YTHDF1: variants seen among roughly 807,000 people sequenced by gnomAD.
YTHDF1 encodes YTH N6-methyladenosine RNA binding protein F1.
A neutral mutation model predicts 49.1 loss-of-function variants in YTHDF1; 16 were observed. The ratio of observed to expected loss-of-function variants is 0.33; its 90% CI spans 0.22 to 0.49. YTHDF1 has a LOEUF of 0.49. Among genes scored for constraint, YTHDF1 ranks in the 20% least tolerant of loss-of-function variants. YTHDF1 has a pLI of 0.99. For synonymous variants in YTHDF1, 313 were observed against 290.1 expected (o/e 1.08, Z -0.80); for missense variants, 621 against 744.3 (o/e 0.83, Z 1.93).
chr20:63,215,735 C>T, intron 1 of YTHDF1, 131 bp downstream of exon 1: 1 of 1,383,158 alleles, frequency 7.2e-7, no homozygotes, highest in South Asian at 1.6e-5. Context: ...ACGTGCGACC[C>T]CGGCCCCGAG....
Position 63,215,978 on chromosome 20 carries a change from G to A in YTHDF1, c.-86C>T. On this transcript the variant is annotated 5_prime_UTR_variant, in exon 1 of 5. Coordinates refer to ENST00000370339, the MANE Select transcript of YTHDF1 (RefSeq NM_017798.4). ...CCGGGCCTGTCACCCTAGCTCGCGC[G>A]GCCCCGGGCCCCGCCGCCAATTCCC... 1.8e-6 allele frequency: 2 copies of A among 1,141,926 alleles called. No individual in the cohort carries two copies. Among genetic ancestry groups the A allele is most frequent in the Non-Finnish European group, 2.2e-6 (2 of 927,728 alleles). 70.7% of individuals were successfully genotyped at this position (1,141,926 alleles called of 1,614,324 possible).
rs751497205 is a variant in YTHDF1, at chr20:63,202,438, G to T, written c.1502C>A (p.Pro501Gln). 6.2e-7 allele frequency: 1 copy of T among 1,614,246 alleles called. No individual in the cohort carries two copies. Among genetic ancestry groups the T allele is most frequent in the Non-Finnish European group, 8.5e-7 (1 of 1,180,042 alleles). Residue 501 changes from proline to glutamine, a missense_variant, in exon 4 of 5, where the codon CCG (proline) becomes CAG (glutamine). This residue lies in a region of YTHDF1 where 151 missense variants were observed against 248.5 expected (regional missense o/e 0.61). Coordinates refer to ENST00000370339, the MANE Select transcript of YTHDF1 (RefSeq NM_017798.4). Reference sequence around the variant, plus strand: ...CTGGGTGTCCCGGGAGTTTGTGACCGGTTTGTTGTCGTTATTCTCCAGCCT... The same window carrying T: ...CTGGGTGTCCCGGGAGTTTGTGACCTGTTTGTTGTCGTTATTCTCCAGCCT... ...HIRLENNDNK[P>Q]VTNSRDTQEV...
At chr20:63,201,433 G>A (rs2066516779) in intron 4 of YTHDF1, among the ~76,000 whole-genome samples, 1 of 151,740 alleles carries the variant, frequency 6.6e-6, no homozygotes, top group African/African-American at 2.4e-5. Flanking sequence ...TCGAATAAAG[G>A]AAGCATTATG....
In YTHDF1 at chr20:63,203,576, A is replaced by T; in HGVS notation, c.364T>A (p.Phe122Ile). ...GNNIYQHRFN[F>I]FPENPAFSAW... is the part of the protein sequence containing the mutation. ...GAGAACGCAGGGTTTTCAGGGAAAA[A>T]ATTGAACCTGTGCTGATAGATGTTG... The change falls in exon 4 of 5, where the codon TTT (phenylalanine) becomes ATT (isoleucine). Residue 122 changes from phenylalanine to isoleucine, a missense_variant. This residue lies in a region of YTHDF1 where 470 missense variants were observed against 495.8 expected (regional missense o/e 0.95). Coordinates refer to ENST00000370339, the MANE Select transcript of YTHDF1 (RefSeq NM_017798.4). The surrounding 1 kb of genome is among the most constrained non-coding windows in gnomAD (Gnocchi z 4.4). The T allele has an allele frequency of 6.2e-7, 1 of 1,614,056 alleles. No homozygotes were observed.
chr20:63,215,880 T>A lies in YTHDF1; in HGVS notation c.13A>T (p.Ser5Cys). 1 of 1,448,534 alleles carries A rather than the reference T, an allele frequency of 6.9e-7. No individual in the cohort carries two copies. The highest frequency in any genetic ancestry group is 9.1e-7 in the Non-Finnish European group (1 of 1,100,144). The allele number at this position is 1,448,534 out of a possible 1,614,324, so 89.7% of individuals were successfully genotyped here. The change falls in exon 1 of 5, where the codon AGC becomes TGC. Residue 5 changes from serine (S) to cysteine (C), a missense_variant. Around this residue, in one of 2 missense-constraint regions of YTHDF1, gnomAD observed 470 missense variants for 495.8 expected, o/e 0.95. Transcript: ENST00000370339. The part of the protein sequence containing the change: MSAT[S>C]VDTQRTKGQD... ...GGCCCCGCTACCTGGGTGTCCACGC[T>A]GGTGGCCGACATGCTTCATGAACAA...
chr20:63,216,053 G>T lies in YTHDF1; in HGVS notation c.-161C>A. 1 of 446,208 alleles carries T rather than the reference G, an allele frequency of 2.2e-6. No individual in the cohort carries two copies. The highest frequency in any genetic ancestry group is 3.0e-6 in the Non-Finnish European group (1 of 338,478). 27.6% of individuals were successfully genotyped at this position (446,208 alleles called of 1,614,324 possible). ...CGGCTGCTGGGCGCGCGGGCCCCTG[G>T]CGAGGCGGCAGCGGCGGTGAGCCCG... On this transcript the variant is annotated 5_prime_UTR_variant, in exon 1 of 5. Coordinates refer to ENST00000370339, the MANE Select transcript of YTHDF1 (RefSeq NM_017798.4).
intron 4 of YTHDF1, among the ~76,000 whole-genome samples, chr20:63,197,060 G>A (rs1051990231): frequency 1.3e-5 from 2 of 152,218 alleles, no homozygotes; most frequent in Admixed American, 1.3e-4. Context: ...ATTCCACATG[G>A]AAAGACACTT....
At chr20:63,211,055 C>T (rs1175426110) in intron 3 of YTHDF1, among the ~76,000 whole-genome samples, 2 of 152,216 alleles carry the variant, frequency 1.3e-5, no homozygotes, top group African/African-American at 4.8e-5. Context: ...ACCAACCTAA[C>T]AGGCAGGCAT....
In YTHDF1 at chr20:63,206,416, CGTTTTAA is replaced by C. The variant is rs1475207139; in HGVS notation, c.133-2616_133-2610del. On this transcript the variant is annotated intron_variant, in intron 3 of 4. Coordinates refer to ENST00000370339, the MANE Select transcript of YTHDF1 (RefSeq NM_017798.4). ...GAGGCATGTAACATTCCTGAAAATCCGTTTTAAGTATTAAATGGACACACCTAGCACA... is the reference window on the plus strand; with the variant it reads ...GAGGCATGTAACATTCCTGAAAATCCGTATTAAATGGACACACCTAGCACA... Among the ~76,000 whole-genome samples the C allele has an allele frequency of 3.3e-5, 5 of 152,306 alleles. No individual in the cohort carries two copies. The East Asian group carries it at 7.7e-4, about 23-fold the overall frequency.
intron 3 of YTHDF1, among the ~76,000 whole-genome samples, chr20:63,212,598 C>T (rs574629675): frequency 5.3e-5 from 8 of 152,326 alleles, no homozygotes; most frequent in East Asian, 1.9e-4. Flanking sequence ...TCCAAGCCAA[C>T]GGCCTGGAGG....
intron 3 of YTHDF1, among the ~76,000 whole-genome samples, chr20:63,205,521 T>C (rs967778945): frequency 7.9e-5 from 12 of 151,870 alleles, no homozygotes; most frequent in South Asian, 4.2e-4. Flanking sequence ...CCCCCCTTTT[T>C]TTTTTGGGAC....
In YTHDF1 at chr20:63,203,316, G is replaced by A; in HGVS notation, c.624C>T (p.Ser208=). The A allele has an allele frequency of 6.2e-7, 1 of 1,613,572 alleles. No homozygotes were observed. The highest frequency in any genetic ancestry group is 1.7e-5 in the Admixed American group (1 of 60,022). The change falls in exon 4 of 5, where the codon AGC becomes AGT. Residue 208 remains serine, a synonymous_variant. Transcript: ENST00000370339. The surrounding 1 kb of genome is among the most constrained non-coding windows in gnomAD (Gnocchi z 4.4). ...AAAGGACACCAGTCAGTGCCACGCT[G>A]CTGACGACAGAGCCCACCGTCTTGA... ...SAVKTVGSVV[S]SVALTGVLSG...
At chr20:63,208,086 G>A (rs1442947289) in intron 3 of YTHDF1, among the ~76,000 whole-genome samples, 3 of 151,764 alleles carry the variant, frequency 2.0e-5, no homozygotes, top group Non-Finnish European at 4.4e-5. Context: ...ACTTCCATCC[G>A]AATGACCAGA....
At chr20:63,208,083 T>G (rs1365223935) in intron 3 of YTHDF1, among the ~76,000 whole-genome samples, 2 of 152,018 alleles carry the variant, frequency 1.3e-5, no homozygotes, top group Non-Finnish European at 1.5e-5. Flanking sequence ...GAAACTTCCA[T>G]CCGAATGACC....
At chr20:63,202,177 G>T (rs922218793) in intron 4 of YTHDF1, 110 bp downstream of exon 4, 4 of 1,425,184 alleles carry the variant, frequency 2.8e-6, no homozygotes, top group Non-Finnish European at 3.8e-6. Flanking sequence ...TGCCTGTCAC[G>T]AGACTCAGCT....
intron 3 of YTHDF1, among the ~76,000 whole-genome samples, chr20:63,208,810 G>A (rs1236073870): frequency 1.3e-5 from 2 of 152,174 alleles, no homozygotes; most frequent in Non-Finnish European, 2.9e-5. Flanking sequence ...AGGAAGCCCT[G>A]TGCCAAGCAT....
At chr20:63,214,227 G>A (rs2066590233) in intron 2 of YTHDF1, 3 of 612,774 alleles carry the variant, frequency 4.9e-6, no homozygotes, top group Admixed American at 1.3e-4. Flanking sequence ...CACATAACCA[G>A]GGTGAAAACT....
intron 3 of YTHDF1, among the ~76,000 whole-genome samples, chr20:63,212,321 A>G (rs1471335401): frequency 1.3e-5 from 2 of 152,216 alleles, no homozygotes. Flanking sequence ...CGCCAAGTGC[A>G]GTAGGAGGGA....
intron 4 of YTHDF1, 66 bp downstream of exon 4, chr20:63,202,221 C>T (rs939740144): frequency 1.9e-6 from 3 of 1,540,394 alleles, no homozygotes; most frequent in Non-Finnish European, 1.8e-6. Flanking sequence ...ACCACCGGGC[C>T]ACCTGGTCTA....
Sources: allele counts gnomAD v4.1 joint callset (sites outside exome capture counted in the v4.1 genomes callset), GRCh38; gene constraint gnomAD v4.1.1; regional missense constraint gnomAD v4.1.1; non-coding constraint Gnocchi (gnomAD v3.1); transcripts MANE v1.5; gene names NCBI Gene and HGNC (gene_info 2026-07-23, HGNC 2026-07-21).